Variants in ACOX1 observed in about 807,000 individuals in gnomAD.
ACOX1 encodes acyl-CoA oxidase 1, also known as peroxisomal acyl-coenzyme A oxidase 1.
Under a neutral mutation model 75.5 loss-of-function variants are expected in ACOX1, and 41 were observed. That is an observed-to-expected ratio of 0.54 (90% confidence interval 0.42 to 0.70). The LOEUF is 0.70. Ranked by LOEUF, ACOX1 falls within the 30% of genes least tolerant of loss-of-function variation. The pLI, the probability that ACOX1 is intolerant of heterozygous loss-of-function variation, is 0.00. For missense variants in ACOX1, 630 were observed against 837.5 expected (o/e 0.75, Z 3.06); for synonymous variants, 303 against 298.8 (o/e 1.01, Z -0.15).
At chr17:75,948,013 C>T (rs1322327630) in intron 13 of ACOX1, among the ~76,000 whole-genome samples, 4 of 151,976 alleles carry the variant, frequency 2.6e-5, no homozygotes, top group East Asian at 3.8e-4. Flanking sequence ...CCAACGCACC[C>T]GGCCTGTATA....
chr17:75,949,064 C>A (rs1251516185), intron 12 of ACOX1, among the ~76,000 whole-genome samples, 153 bp downstream of exon 12: 1 of 151,682 alleles, frequency 6.6e-6, no homozygotes, highest in East Asian at 1.9e-4. Flanking sequence ...TTCACCAGGC[C>A]AGGCTGGTCT....
intron 13 of ACOX1, 91 bp from the exon 14 acceptor site, chr17:75,946,886 TGAGAC>T: frequency 5.0e-5 from 60 of 1,211,082 alleles, no homozygotes; most frequent in Non-Finnish European, 6.7e-5. Flanking sequence ...GTTTTTTTTT[TGAGAC>T]TGAGTCCTGC....
At chr17:75,947,704 G>A (rs2065734522) in intron 13 of ACOX1, among the ~76,000 whole-genome samples, 1 of 140,806 alleles carries the variant, frequency 7.1e-6, no homozygotes, top group South Asian at 2.3e-4. Flanking sequence ...GTGTGTGTGT[G>A]TGTATACTTT....
intron 11 of ACOX1, 50 bp downstream of exon 11, chr17:75,949,445 T>C (rs370756206): frequency 6.8e-6 from 11 of 1,611,058 alleles, no homozygotes; most frequent in Non-Finnish European, 9.3e-6. Context: ...TACCAGAAAA[T>C]GCGGGATGCT....
intron 8 of ACOX1, 26 bp downstream of exon 8, chr17:75,951,389 A>G (rs774349600): frequency 3.1e-6 from 5 of 1,613,836 alleles, no homozygotes; most frequent in Non-Finnish European, 4.2e-6. Flanking sequence ...AAGGGTGCCC[A>G]TGAGTGAATG....
intron 6 of ACOX1, 136 bp from the exon 7 acceptor site, chr17:75,953,756 C>T (rs1377044362): frequency 9.8e-7 from 1 of 1,019,928 alleles, no homozygotes; most frequent in Non-Finnish European, 1.5e-6. Flanking sequence ...ATCTTAGTCC[C>T]CACCCTGACC....
chr17:75,961,901 T>C (rs373533869), intron 2 of ACOX1, among the ~76,000 whole-genome samples: 6 of 152,034 alleles, frequency 3.9e-5, no homozygotes, highest in Non-Finnish European at 5.9e-5. Context: ...ATTTGAGTGG[T>C]ACTGGTACAA....
At chr17:75,969,403 T>C (rs914317126) in intron 2 of ACOX1, among the ~76,000 whole-genome samples, 3 of 152,174 alleles carry the variant, frequency 2.0e-5, no homozygotes, top group African/African-American at 7.2e-5. Context: ...CGACCTCAGG[T>C]GATCCACCCA....
chr17:75,957,508 G>T lies in ACOX1; in HGVS notation c.489C>A (p.Phe163Leu), dbSNP rs763628164. ...TATYDPETQE[F>L]ILNSPTVTSI... ...AGGTCACAGTAGGACTGTTGAGAAT[G>T]AACTCCTGGGTTTCAGGGTCATACG... is the stretch of plus-strand genomic sequence containing the variant. Residue 163 changes from phenylalanine to leucine, a missense_variant, in exon 4 of 14, where the codon TTC becomes TTA. By Grantham distance (22) the Phe-to-Leu change is conservative (BLOSUM62 0). This residue lies in a region of ACOX1 where 390 missense variants were observed against 574.9 expected (regional missense o/e 0.68). Coordinates refer to ENST00000293217, the MANE Select transcript of ACOX1 (RefSeq NM_004035.7). The T allele has an allele frequency of 1.9e-6, 3 of 1,614,042 alleles. No homozygotes were observed. Among genetic ancestry groups the T allele is most frequent in the Non-Finnish European group, 2.5e-6 (3 of 1,180,026 alleles).
At chr17:75,956,028 G>A in intron 4 of ACOX1, 81 bp from the exon 5 acceptor site, 18 of 1,582,404 alleles carry the variant, frequency 1.1e-5, no homozygotes, top group Admixed American at 3.3e-5. Context: ...GAAAGAATAT[G>A]TTAAATCTAA....
intron 7 of ACOX1, 60 bp from the exon 8 acceptor site, chr17:75,951,637 A>T (rs528548859): frequency 1.3e-6 from 2 of 1,562,404 alleles, no homozygotes; most frequent in South Asian, 2.2e-5. Context: ...AACTTTCTAT[A>T]TGCCAGGTTC....
intron 2 of ACOX1, among the ~76,000 whole-genome samples, chr17:75,975,066 A>C (rs1422370303): frequency 6.6e-6 from 1 of 150,950 alleles, no homozygotes; most frequent in Non-Finnish European, 1.5e-5. Context: ...AAAAAAAAAA[A>C]AAAAAAAGAA....
Position 75,978,517 on chromosome 17 carries a change from T to C in ACOX1, c.269+17A>G. ...TTTAGGCTTAACAACACTTGCTCTGTTCTAAGGCATACCTACTTTTTAAAC... is the reference window on the plus strand; with the variant it reads ...TTTAGGCTTAACAACACTTGCTCTGCTCTAAGGCATACCTACTTTTTAAAC... On this transcript the variant is annotated intron_variant, in intron 2 of 13. Transcript: ENST00000293217. The surrounding 1 kb of genome is among the most constrained non-coding windows in gnomAD (Gnocchi z 4.2). 6.2e-7 allele frequency: 1 copy of C among 1,614,134 alleles called. No individual in the cohort carries two copies. The highest frequency in any genetic ancestry group is 8.5e-7 in the Non-Finnish European group (1 of 1,180,002).
At chr17:75,954,923 A>G (rs750905539) in intron 6 of ACOX1, among the ~76,000 whole-genome samples, 1 of 150,434 alleles carries the variant, frequency 6.6e-6, no homozygotes, top group Non-Finnish European at 1.5e-5. Flanking sequence ...GCTGGAGTGC[A>G]GTGTCATGAT....
At chr17:75,967,721 CATATATATATATACACGT>C (rs2065951406) in intron 2 of ACOX1, among the ~76,000 whole-genome samples, 1 of 127,348 alleles carries the variant, frequency 7.9e-6, no homozygotes, top group African/African-American at 2.8e-5. Context: ...TATATATACA[CATATATATATATACACGT>C]ATATATATAT....
At position 75,979,157 on chromosome 17, in the gene ACOX1, C is replaced by T; in HGVS notation, c.-84G>A. ...TCCGCAGCTCCAGCGCCGGCCGGAC[C>T]CTAGGAGGCAGCCTCAGGACGGCGC... On this transcript the variant is annotated 5_prime_UTR_variant, in exon 1 of 14. Coordinates refer to ENST00000293217, the MANE Select transcript of ACOX1 (RefSeq NM_004035.7). 5.2e-6 allele frequency: 8 copies of T among 1,549,588 alleles called. No individual in the cohort carries two copies. The highest frequency in any genetic ancestry group is 7.0e-6 in the Non-Finnish European group (8 of 1,148,988).
chr17:75,971,058 G>A (rs570155241), intron 2 of ACOX1, among the ~76,000 whole-genome samples: 10 of 152,308 alleles, frequency 6.6e-5, no homozygotes, highest in African/African-American at 1.2e-4. Flanking sequence ...TTGGGAGGCC[G>A]AGGCGGGCAG....
Position 75,950,191 on chromosome 17 carries a change from G to C in ACOX1, c.1299-294C>G, listed in dbSNP as rs1443840243. ...GGTCTCTTAACTCCTGACCTCAAGTGATCTACCCGGCTTGGCGTCCCAAAG... is the reference window on the plus strand; with the variant it reads ...GGTCTCTTAACTCCTGACCTCAAGTCATCTACCCGGCTTGGCGTCCCAAAG... On this transcript the variant is annotated intron_variant, in intron 9 of 13. Coordinates refer to ENST00000293217, the MANE Select transcript of ACOX1 (RefSeq NM_004035.7). The surrounding 1 kb of genome is among the most constrained non-coding windows in gnomAD (Gnocchi z 4.3). Among the ~76,000 whole-genome samples, 2 of 151,692 alleles carry C rather than the reference G, an allele frequency of 1.3e-5. No individual in the cohort carries two copies. The highest frequency in any genetic ancestry group is 1.3e-4 in the Admixed American group (2 of 15,224).
chr17:75,955,639 T>G lies in ACOX1; in HGVS notation c.701A>C (p.Glu234Ala). Residue 234 changes from glutamate (E) to alanine (A), a missense_variant, in exon 6 of 14, where the codon GAG becomes GCG. By Grantham distance (107) the Glu-to-Ala change is moderately radical. Transcript: ENST00000293217. ...CATTTTGAGGTAGCCATTGTCTATC[T>G]CATCATAACCAAATTTGGGGCCGAT... ...GDIGPKFGYD[E>A]IDNGYLKMDN... 1 of 1,614,202 alleles carries G rather than the reference T, an allele frequency of 6.2e-7. No individual in the cohort carries two copies. The highest frequency in any genetic ancestry group is 8.5e-7 in the Non-Finnish European group (1 of 1,180,036).
Sources: allele counts gnomAD v4.1 joint callset (sites outside exome capture counted in the v4.1 genomes callset), GRCh38; gene constraint gnomAD v4.1.1; regional missense constraint gnomAD v4.1.1; non-coding constraint Gnocchi (gnomAD v3.1); transcripts MANE v1.5; gene names NCBI Gene and HGNC (gene_info 2026-07-23, HGNC 2026-07-21).